KCNH1: variants seen among roughly 807,000 people sequenced by gnomAD.
KCNH1 encodes voltage-gated delayed rectifier potassium channel KCNH1.
KCNH1 carries 27 observed loss-of-function variants against 69.2 expected under a neutral mutation model. The observed-to-expected ratio is 0.39, with a 90% CI of 0.29 to 0.54. The LOEUF (loss-of-function observed/expected upper bound fraction) is 0.54, where lower values mean the gene tolerates loss of function less well. Ranked by LOEUF, KCNH1 falls within the 20% of genes least tolerant of loss-of-function variation. The pLI is 0.68. For synonymous variants in KCNH1, 456 were observed against 487.7 expected (o/e 0.93, Z 0.86); for missense variants, 798 against 1,261.6 (o/e 0.63, Z 5.57).
intron 10 of KCNH1, among the ~76,000 whole-genome samples, chr1:210,714,984 G>A (rs1045460551): frequency 6.6e-6 from 1 of 152,192 alleles, no homozygotes; most frequent in African/African-American, 2.4e-5. Context: ...GACCGGCACA[G>A]ACTACCCATC....
At chr1:210,811,625 CATT>C (rs913788923) in intron 7 of KCNH1, among the ~76,000 whole-genome samples, 2 of 152,120 alleles carry the variant, frequency 1.3e-5, no homozygotes, top group African/African-American at 2.4e-5. Context: ...TTCAGCCAGC[CATT>C]ACAGCAAAAG....
chr1:211,044,560 G>T (rs1305784612), intron 5 of KCNH1, among the ~76,000 whole-genome samples: 2 of 145,452 alleles, frequency 1.4e-5, no homozygotes, highest in African/African-American at 4.9e-5. Flanking sequence ...AAACAAATTA[G>T]CAAGAAAAAA....
chr1:210,833,577 A>G (rs1685213998), intron 7 of KCNH1, among the ~76,000 whole-genome samples: 1 of 152,222 alleles, frequency 6.6e-6, no homozygotes, highest in African/African-American at 2.4e-5. Context: ...AAACCATAAA[A>G]ACCCTAGAAG....
intron 3 of KCNH1, among the ~76,000 whole-genome samples, chr1:211,100,932 A>G (rs965197594): frequency 1.3e-5 from 2 of 152,210 alleles, no homozygotes; most frequent in African/African-American, 4.8e-5. Context: ...ATGCATGTCA[A>G]AGTTTAAGAA....
chr1:210,941,254 C>G lies in KCNH1; in HGVS notation c.1033-21185G>C, dbSNP rs188984345. On this transcript the variant is annotated intron_variant, in intron 6 of 10. Transcript: ENST00000271751. ...GCAATCGAATTTGGCCTTTAAAAAG[C>G]ACACATTCCCCCCACAAACATAATC... 4.1e-4 allele frequency among the ~76,000 whole-genome samples: 63 copies of G among 152,294 alleles called. 2 individuals carry two copies. The highest frequency in any genetic ancestry group is 3.8e-3 in the Admixed American group (58 of 15,294).
intron 5 of KCNH1, among the ~76,000 whole-genome samples, chr1:211,071,328 A>G (rs1039869976): frequency 1.3e-5 from 2 of 152,192 alleles, no homozygotes; most frequent in African/African-American, 4.8e-5. Context: ...TCTACTAAAC[A>G]CGATAAAAAA....
intron 6 of KCNH1, among the ~76,000 whole-genome samples, chr1:211,013,836 CCAGTT>C (rs67596044): frequency 0.35 from 53,587 of 151,874 alleles, 9,813 homozygotes; most frequent in Non-Finnish European, 0.38. Flanking sequence ...TGCCGTCCTC[CCAGTT>C]CAGTGCAGCT....
chr1:211,017,480 T>C (rs1030518427), intron 6 of KCNH1, among the ~76,000 whole-genome samples: 1 of 152,170 alleles, frequency 6.6e-6, no homozygotes, highest in African/African-American at 2.4e-5. Context: ...GGAGCCTCTG[T>C]AATCTGAAGC....
intron 5 of KCNH1, among the ~76,000 whole-genome samples, chr1:211,047,991 T>C (rs1265212369): frequency 1.3e-5 from 2 of 149,200 alleles, no homozygotes; most frequent in African/African-American, 2.5e-5. Flanking sequence ...TGAAAACATA[T>C]GAAAAAATAA....
At chr1:210,694,342 C>T (rs1015912855) in intron 10 of KCNH1, among the ~76,000 whole-genome samples, 7 of 151,986 alleles carry the variant, frequency 4.6e-5, no homozygotes, top group Non-Finnish European at 7.4e-5. Flanking sequence ...CAGCTACTCC[C>T]GGCCCTCACT....
chr1:211,023,512 A>C (rs945493775), intron 5 of KCNH1, among the ~76,000 whole-genome samples: 1 of 151,642 alleles, frequency 6.6e-6, no homozygotes, highest in Admixed American at 6.6e-5. Context: ...AGCTCCATGG[A>C]TAACTCTGGA....
rs57669878 is a variant in KCNH1 at position 210,738,552 on chromosome 1, C to CTTTTTTTTTTT, written c.2112+36785_2112+36795dup. Reference sequence around the variant, plus strand: ...CTGTATTCCTGGCTTGGCTTTTTTGCTTTTTTTTTTTTTTTTTTTTTTTTT... The same window carrying CTTTTTTTTTTT: ...CTGTATTCCTGGCTTGGCTTTTTTGCTTTTTTTTTTTTTTTTTTTTTTTTTTTTTTTTTTTT... On this transcript the variant is annotated intron_variant, in intron 10 of 10. Transcript: ENST00000271751. 7.7e-4 allele frequency among the ~76,000 whole-genome samples: 38 copies of CTTTTTTTTTTT among 49,148 alleles called. 8 individuals carry two copies. Among genetic ancestry groups the CTTTTTTTTTTT allele is most frequent in the East Asian group, 3.7e-3 (6 of 1,610 alleles). 32.2% of individuals were successfully genotyped at this position (49,148 alleles called of 152,430 possible).
At position 211,018,771 on chromosome 1, in the gene KCNH1, T is replaced by G; in HGVS notation, c.1032+12A>C. The G allele has an allele frequency of 6.4e-7, 1 of 1,571,952 alleles. No individual in the cohort carries two copies. The highest frequency in any genetic ancestry group is 1.2e-5 in the South Asian group (1 of 84,342). ...AGACATGACAACAAGGTCTGAGATT[T>G]GAGGGATGTACCTGACTCTCTCTCC... On this transcript the variant is annotated intron_variant, in intron 6 of 10. Coordinates refer to ENST00000271751, the MANE Select transcript of KCNH1 (RefSeq NM_172362.3).
chr1:211,117,145 A>G (rs185836841), intron 1 of KCNH1, among the ~76,000 whole-genome samples: 2 of 152,344 alleles, frequency 1.3e-5, no homozygotes, highest in East Asian at 1.9e-4. Context: ...AACACTGCTG[A>G]TGCTGTGTAA....
In KCNH1 at chr1:210,718,698, A is replaced by G. The variant is rs113912601; in HGVS notation, c.2113-34560T>C. ...CACACACACACACACACACATATAT[A>G]TATACACACTAAGTCTTCAAAATCC... On this transcript the variant is annotated intron_variant, in intron 10 of 10. Transcript: ENST00000271751. Among the ~76,000 whole-genome samples, 1,072 of 123,372 alleles carry G rather than the reference A, an allele frequency of 8.7e-3. 52 individuals carry two copies. Among genetic ancestry groups the G allele is most frequent in the African/African-American group, 0.033 (940 of 28,312 alleles). The allele number at this position is 123,372 out of a possible 152,430, so 80.9% of individuals were successfully genotyped here. A position where few individuals can be genotyped will look rare whatever the true frequency, so the allele number is the denominator to read the frequency against.
In KCNH1 at chr1:210,725,955, A is replaced by G. The variant is rs908121696; in HGVS notation, c.2113-41817T>C. ...ATCACAGGACTTGTGACATTATATT[A>G]TAGTTATCTGTGTGCCTATCTGAGC... is the stretch of plus-strand genomic sequence containing the variant. On this transcript the variant is annotated intron_variant, in intron 10 of 10. Coordinates refer to ENST00000271751, the MANE Select transcript of KCNH1 (RefSeq NM_172362.3). 3.9e-5 allele frequency among the ~76,000 whole-genome samples: 6 copies of G among 152,234 alleles called. No homozygotes were observed. In the South Asian group the frequency reaches 1.0e-3, roughly 26 times the overall value.
Position 210,861,080 on chromosome 1 carries a change from G to A in KCNH1, c.1463-56914C>T, listed in dbSNP as rs1685968356. The A allele has an allele frequency of 3.3e-6, 3 of 904,344 alleles. No individual in the cohort carries two copies. In the African/African-American group the frequency reaches 4.9e-5, roughly 15 times the overall value. 56.0% of individuals were successfully genotyped at this position (904,344 alleles called of 1,614,324 possible). On this transcript the variant is annotated intron_variant, in intron 7 of 10. Transcript: ENST00000271751. ...AAGTACCTCCTTCCTCTTACTATGGGCTGTAAACAAAAGCTTCTGGGCAGC... is the reference window on the plus strand; with the variant it reads ...AAGTACCTCCTTCCTCTTACTATGGACTGTAAACAAAAGCTTCTGGGCAGC...
chr1:210,933,290 A>G (rs1168150519), intron 6 of KCNH1, among the ~76,000 whole-genome samples: 2 of 151,060 alleles, frequency 1.3e-5, no homozygotes, highest in African/African-American at 2.4e-5. Context: ...ACATATTCTC[A>G]CTCATAGGTG....
intron 10 of KCNH1, among the ~76,000 whole-genome samples, chr1:210,685,747 C>T (rs1248844629): frequency 6.6e-6 from 1 of 152,198 alleles, no homozygotes; most frequent in Admixed American, 6.5e-5. Context: ...GCAACTCACC[C>T]TACCTCCTCC....
Sources: gnomAD v4.1 joint callset for allele counts (sites outside exome capture counted in the v4.1 genomes callset) on GRCh38, gnomAD v4.1.1 for gene constraint, MANE v1.5 for transcripts, NCBI Gene and HGNC (gene_info 2026-07-23, HGNC 2026-07-21) for gene names.